The following FRMD4A variants were observed in gnomAD, a reference collection of about 807,000 sequenced individuals.
FRMD4A encodes the protein FERM domain containing 4A.
In FRMD4A, 29 loss-of-function variants were observed where a neutral mutation model predicts 129.1. That is an observed-to-expected ratio of 0.22 (90% confidence interval 0.17 to 0.31). The LOEUF is 0.31. Among genes scored for constraint, FRMD4A ranks in the 10% least tolerant of loss-of-function variants. FRMD4A has a pLI of 1.00. For missense variants in FRMD4A, 1,272 were observed against 1,375.8 expected, an observed-to-expected ratio of 0.92 and a Z score of 1.19; for synonymous variants, 634 against 571.6, an observed-to-expected ratio of 1.11 and a Z score of -1.56.
chr10:14,012,561 A>T (rs569514584), intron 2 of FRMD4A, among the ~76,000 whole-genome samples: 1 of 152,124 alleles, frequency 6.6e-6, no homozygotes, highest in Non-Finnish European at 1.5e-5. Flanking sequence ...GTGATAATGG[A>T]GGCAGCAGCA....
chr10:13,746,568 G>A (rs2091301865), intron 9 of FRMD4A, among the ~76,000 whole-genome samples: 2 of 152,070 alleles, frequency 1.3e-5, no homozygotes, highest in African/African-American at 4.8e-5. Context: ...GAACAACTAG[G>A]TCACTGTCTG....
intron 2 of FRMD4A, among the ~76,000 whole-genome samples, chr10:14,306,988 A>G (rs1445254449): frequency 6.6e-6 from 1 of 152,082 alleles, no homozygotes; most frequent in Non-Finnish European, 1.5e-5. Context: ...ATAAGACCAC[A>G]CTCCTACTCC....
chr10:13,861,070 C>A (rs1045580267), intron 2 of FRMD4A, among the ~76,000 whole-genome samples: 1 of 152,192 alleles, frequency 6.6e-6, no homozygotes, highest in African/African-American at 2.4e-5. Context: ...GCAGCACAGT[C>A]GCGGGCCGAA....
intron 2 of FRMD4A, among the ~76,000 whole-genome samples, chr10:14,143,488 A>G (rs1282217697): frequency 6.6e-6 from 1 of 152,276 alleles, no homozygotes; most frequent in Non-Finnish European, 1.5e-5. Flanking sequence ...GGGAATTCTT[A>G]TTTAATAGGG....
intron 2 of FRMD4A, among the ~76,000 whole-genome samples, chr10:14,191,275 A>G (rs993094090): frequency 1.3e-5 from 2 of 152,210 alleles, no homozygotes; most frequent in Non-Finnish European, 2.9e-5. Flanking sequence ...GGAATCCCAA[A>G]CAGAAAGGGT....
chr10:13,675,567 A>ATTTTTTTTT (rs1564581383), intron 15 of FRMD4A: 1 of 153,244 alleles, frequency 6.5e-6, no homozygotes, highest in African/African-American at 2.4e-5. Context: ...ACACCCGGCT[A>ATTTTTTTTT]ATTTTGTATT....
At chr10:13,933,107 A>G (rs755240087) in intron 2 of FRMD4A, among the ~76,000 whole-genome samples, 4 of 152,018 alleles carry the variant, frequency 2.6e-5, no homozygotes, top group Admixed American at 6.6e-5. Context: ...GTTGCAGTGA[A>G]CTGAGATTGT....
intron 12 of FRMD4A, among the ~76,000 whole-genome samples, chr10:13,728,570 A>ATTTTTTTTTTTTTTTTTTTTTTTTTTTT (rs1386167455): frequency 3.5e-5 from 1 of 28,664 alleles, no homozygotes. Flanking sequence ...GGTGATTACC[A>ATTTTTTTTTTTTTTTTTTTTTTTTTTTT]TTCTTTTTTT....
At position 14,106,195 on chromosome 10, in the gene FRMD4A, G is replaced by A. The variant is rs540755150; in HGVS notation, c.45+223863C>T. Among the ~76,000 whole-genome samples, 7 of 152,136 alleles carry A rather than the reference G, an allele frequency of 4.6e-5. No individual in the cohort carries two copies. The South Asian group carries it at 1.2e-3, about 27-fold the overall frequency. On this transcript the variant is annotated intron_variant, in intron 2 of 24. Coordinates refer to ENST00000357447, the MANE Select transcript of FRMD4A (RefSeq NM_018027.5). Reference sequence around the variant, plus strand: ...TTTAAAGCATCATTATTCATTTATGGAGTCAAACAAATTTGATATGTTTCA... The same window carrying A: ...TTTAAAGCATCATTATTCATTTATGAAGTCAAACAAATTTGATATGTTTCA...
chr10:13,797,935 C>T (rs887503474), intron 4 of FRMD4A, among the ~76,000 whole-genome samples: 3 of 151,266 alleles, frequency 2.0e-5, no homozygotes, highest in Non-Finnish European at 4.4e-5. Flanking sequence ...AAAAAAAAAT[C>T]CCCCTCCACA....
intron 2 of FRMD4A, among the ~76,000 whole-genome samples, chr10:14,159,286 C>T (rs1403692872): frequency 6.6e-6 from 1 of 152,108 alleles, no homozygotes; most frequent in Non-Finnish European, 1.5e-5. Flanking sequence ...TTTAGATTTT[C>T]TAATAGCTAC....
intron 2 of FRMD4A, among the ~76,000 whole-genome samples, chr10:14,082,034 G>GA (rs1835957645): frequency 6.6e-6 from 1 of 152,130 alleles, no homozygotes; most frequent in South Asian, 2.1e-4. Flanking sequence ...GGATCACGAG[G>GA]TCAGAGATCG....
At chr10:13,799,625 G>C (rs2093208253) in intron 4 of FRMD4A, among the ~76,000 whole-genome samples, 1 of 152,182 alleles carries the variant, frequency 6.6e-6, no homozygotes, top group Admixed American at 6.5e-5. Flanking sequence ...TTGGGGCTCA[G>C]CCTCCTGCGA....
chr10:14,078,364 C>A (rs1368202640), intron 2 of FRMD4A, among the ~76,000 whole-genome samples: 2 of 152,202 alleles, frequency 1.3e-5, no homozygotes, highest in East Asian at 3.8e-4. Context: ...ACTCTCCTGG[C>A]AACAGGCTCA....
intron 2 of FRMD4A, chr10:14,008,147 C>T (rs1281161400): frequency 2.4e-6 from 3 of 1,276,146 alleles, no homozygotes; most frequent in Non-Finnish European, 3.1e-6. Context: ...CAGCCTGAAC[C>T]ACCATGGTGT....
chr10:13,858,969 G>C (rs890588488), intron 2 of FRMD4A, 57 bp from the exon 3 acceptor site: 3 of 1,050,102 alleles, frequency 2.9e-6, no homozygotes, highest in East Asian at 2.4e-5. Context: ...CAAAGGGTTA[G>C]AGGGTCGCCG....
intron 2 of FRMD4A, among the ~76,000 whole-genome samples, chr10:14,153,962 G>T (rs1169843320): frequency 1.3e-5 from 2 of 152,004 alleles, no homozygotes; most frequent in African/African-American, 4.8e-5. Flanking sequence ...TCCTTTCCTG[G>T]CTGTGTCCCA....
chr10:13,651,768 T>G (rs925307118), intron 24 of FRMD4A, 135 bp downstream of exon 24: 2 of 644,020 alleles, frequency 3.1e-6, no homozygotes, highest in South Asian at 1.9e-5. Flanking sequence ...ATAGTTCCAG[T>G]TCCCCATGTA....
chr10:14,246,242 T>G (rs568519178), intron 2 of FRMD4A, among the ~76,000 whole-genome samples: 79 of 152,200 alleles, frequency 5.2e-4, no homozygotes, highest in African/African-American at 1.8e-3. Context: ...TACAGAGAGA[T>G]GGGGGCAAAA....
Sources: gnomAD v4.1 joint callset for allele counts (sites outside exome capture counted in the v4.1 genomes callset) on GRCh38, gnomAD v4.1.1 for gene constraint, MANE v1.5 for transcripts, NCBI Gene and HGNC (gene_info 2026-07-23, HGNC 2026-07-21) for gene names.